Variants in DPP6 observed in about 807,000 individuals in gnomAD.
DPP6 encodes the protein dipeptidyl peptidase like 6.
DPP6 carries 69 observed loss-of-function variants against 122.6 expected under a neutral mutation model. The ratio of observed to expected loss-of-function variants is 0.56; its 90% CI spans 0.46 to 0.69. The LOEUF (loss-of-function observed/expected upper bound fraction) is 0.69, where lower values mean the gene tolerates loss of function less well. Among genes scored for constraint, DPP6 ranks in the 30% least tolerant of loss-of-function variants. The pLI is 0.00. For synonymous variants in DPP6, 418 were observed against 433.1 expected (o/e 0.97, Z 0.43); for missense variants, 928 against 1,116.9 (o/e 0.83, Z 2.41).
intron 1 of DPP6, among the ~76,000 whole-genome samples, chr7:154,384,130 C>T (rs933653135): frequency 8.6e-5 from 13 of 151,976 alleles, no homozygotes; most frequent in South Asian, 4.2e-4. Flanking sequence ...ATTTGATGGT[C>T]GAGACTGGAG....
chr7:153,784,047 A>G, the DPP6 span, among the ~76,000 whole-genome samples: 136 of 152,370 alleles, frequency 8.9e-4, no homozygotes, highest in Admixed American at 3.6e-3. Context: ...TACCCTATAC[A>G]TGTTGGTTTG....
intron 1 of DPP6, among the ~76,000 whole-genome samples, chr7:154,373,519 T>C (rs780149350): frequency 1.3e-5 from 2 of 152,206 alleles, no homozygotes; most frequent in Non-Finnish European, 2.9e-5. Flanking sequence ...TGGGCACAAT[T>C]TGCACTAAAT....
intron 7 of DPP6, among the ~76,000 whole-genome samples, chr7:154,694,480 C>G (rs751737378): frequency 6.6e-6 from 1 of 152,072 alleles, no homozygotes; most frequent in African/African-American, 2.4e-5. Context: ...GGCATGGTGG[C>G]GGGTGCCTGT....
intron 1 of DPP6, among the ~76,000 whole-genome samples, chr7:153,991,622 T>C (rs186263401): frequency 1.1e-4 from 17 of 152,364 alleles, no homozygotes; most frequent in African/African-American, 4.1e-4. Context: ...CTTTGCATCA[T>C]GACTTTGTCC....
chr7:153,896,147 C>T (rs181184661), intron 1 of DPP6, among the ~76,000 whole-genome samples: 105 of 152,264 alleles, frequency 6.9e-4, no homozygotes, highest in African/African-American at 2.1e-3. Context: ...TGGACTAATG[C>T]CCCTATTAAG....
In DPP6 at chr7:154,236,702, A is replaced by G. The variant is rs77117850; in HGVS notation, c.243+183639A>G. Reference sequence around the variant, plus strand: ...AAAGCCTCAGCCTATAATCAGATTTAAAGAAATCTGTAGCCATATGTGTTT... The same window carrying G: ...AAAGCCTCAGCCTATAATCAGATTTGAAGAAATCTGTAGCCATATGTGTTT... On this transcript the variant is annotated intron_variant, in intron 1 of 25. Transcript: ENST00000377770. Among the ~76,000 whole-genome samples the G allele has an allele frequency of 7.2e-3, 1,099 of 152,306 alleles. 19 individuals carry two copies. Among genetic ancestry groups the G allele is most frequent in the African/African-American group, 0.025 (1,029 of 41,564 alleles).
intron 4 of DPP6, among the ~76,000 whole-genome samples, chr7:154,541,684 T>A (rs2130264492): frequency 6.6e-6 from 1 of 152,270 alleles, no homozygotes; most frequent in South Asian, 2.1e-4. Flanking sequence ...AAGCAAGAAT[T>A]GAAACAGGCT....
intron 1 of DPP6, among the ~76,000 whole-genome samples, chr7:153,933,480 A>G (rs1801271522): frequency 6.6e-6 from 1 of 152,210 alleles, no homozygotes; most frequent in South Asian, 2.1e-4. Context: ...CTTTATCAAC[A>G]GCACGAACAC....
chr7:153,972,916 T>C (rs1348653566), intron 1 of DPP6, among the ~76,000 whole-genome samples: 1 of 152,062 alleles, frequency 6.6e-6, no homozygotes, highest in African/African-American at 2.4e-5. Flanking sequence ...TAGGAATTTA[T>C]TTAAAAAGAG....
the DPP6 span, among the ~76,000 whole-genome samples, chr7:153,825,969 A>G: frequency 6.6e-6 from 1 of 152,212 alleles, no homozygotes; most frequent in Non-Finnish European, 1.5e-5. Context: ...AGAAAAATAA[A>G]CCTTGATAAT....
In DPP6 at chr7:153,967,564, G is replaced by A. The variant is rs186606824; in HGVS notation, c.51+79830G>A. On this transcript the variant is annotated intron_variant, in intron 1 of 25. Transcript: ENST00000404039. ...TGTGACTAGTCCATTAGCTGACCTC[G>A]GGGGTGTTTCTCTGGCTCGTCGAAC... Among the ~76,000 whole-genome samples the A allele has an allele frequency of 3.4e-3, 521 of 152,228 alleles. 1 individual carries two copies. Among genetic ancestry groups the A allele is most frequent in the African/African-American group, 0.012 (478 of 41,510 alleles).
intron 1 of DPP6, among the ~76,000 whole-genome samples, chr7:154,015,436 C>T (rs1035842097): frequency 2.6e-5 from 4 of 152,074 alleles, no homozygotes; most frequent in East Asian, 1.9e-4. Context: ...GCCTTGTCTC[C>T]GTAAGTGAAC....
intron 1 of DPP6, among the ~76,000 whole-genome samples, chr7:154,029,669 A>G (rs1799127613): frequency 6.9e-6 from 1 of 144,990 alleles, no homozygotes; most frequent in African/African-American, 2.6e-5. Context: ...ACATGGTGAA[A>G]CCCTGTCTTT....
intron 1 of DPP6, among the ~76,000 whole-genome samples, chr7:154,284,712 G>A (rs577978500): frequency 1.0e-3 from 157 of 152,250 alleles, no homozygotes; most frequent in South Asian, 5.2e-3. Flanking sequence ...AAAATTAGCC[G>A]GGCGTGGTGG....
intron 1 of DPP6, among the ~76,000 whole-genome samples, chr7:154,092,050 A>G (rs1418869565): frequency 6.6e-6 from 1 of 152,010 alleles, no homozygotes; most frequent in Non-Finnish European, 1.5e-5. Flanking sequence ...GTGCTTATGC[A>G]GAAAGGGGTT....
At chr7:154,616,309 A>T (rs567582123) in intron 5 of DPP6, among the ~76,000 whole-genome samples, 2 of 152,274 alleles carry the variant, frequency 1.3e-5, no homozygotes, top group African/African-American at 4.8e-5. Context: ...AGATTTAGGG[A>T]TCTGCATTCT....
At chr7:154,734,506 A>C (rs1842487560) in intron 8 of DPP6, among the ~76,000 whole-genome samples, 1 of 152,324 alleles carries the variant, frequency 6.6e-6, no homozygotes, top group Non-Finnish European at 1.5e-5. Flanking sequence ...TTTTTAAATA[A>C]GTTATGGAGC....
chr7:154,638,584 T>G, intron 6 of DPP6, among the ~76,000 whole-genome samples: 1 of 152,126 alleles, frequency 6.6e-6, no homozygotes, highest in East Asian at 1.9e-4. Flanking sequence ...TAATGTATTG[T>G]CCAGAGCAGG....
rs553622104 is a variant in DPP6, at chr7:154,755,301, C to A, written c.884-14116C>A. Among the ~76,000 whole-genome samples the A allele has an allele frequency of 1.3e-5, 2 of 152,192 alleles. No homozygotes were observed. The highest frequency in any genetic ancestry group is 1.3e-4 in the Admixed American group (2 of 15,294). Reference sequence around the variant, plus strand: ...TTGATAGGATGTTTTGAGACCCGGACATCCCCAGCAGCCCAGCATGCACAG... The same window carrying A: ...TTGATAGGATGTTTTGAGACCCGGAAATCCCCAGCAGCCCAGCATGCACAG... On this transcript the variant is annotated intron_variant, in intron 8 of 25. Transcript: ENST00000377770. This position sits in a 1 kb window ranked among gnomAD's most constrained non-coding sequence, Gnocchi z 4.7.
Sources: gnomAD v4.1 joint callset for allele counts (sites outside exome capture counted in the v4.1 genomes callset) on GRCh38, gnomAD v4.1.1 for gene constraint, Gnocchi (gnomAD v3.1) non-coding constraint, MANE v1.5 for transcripts, NCBI Gene and HGNC (gene_info 2026-07-23, HGNC 2026-07-21) for gene names.